PRKCA: variants seen among roughly 807,000 people sequenced by gnomAD.
PRKCA encodes protein kinase C alpha type.
PRKCA carries 27 observed loss-of-function variants against 87.0 expected under a neutral mutation model. That is an observed-to-expected ratio of 0.31 (90% CI 0.23 to 0.43). The LOEUF (loss-of-function observed/expected upper bound fraction) is 0.43, where lower values mean the gene tolerates loss of function less well. Among genes scored for constraint, PRKCA ranks in the 20% least tolerant of loss-of-function variants. PRKCA has a pLI of 1.00. For synonymous variants in PRKCA, 329 were observed against 311.1 expected (o/e 1.06, Z -0.61); for missense variants, 518 against 852.3 (o/e 0.61, Z 4.88).
intron 14 of PRKCA, chr17:66,775,269 C>T (rs1159706554): frequency 7.1e-6 from 7 of 984,990 alleles, no homozygotes; most frequent in African/African-American, 3.5e-5. Context: ...TTCTCCTGTC[C>T]GTCAGCCCTA....
In PRKCA at chr17:66,732,780, G is replaced by T. The variant is rs368946369; in HGVS notation, c.1011G>T (p.Thr337=). The part of the protein sequence containing the change: ...PSNNLDRVKL[T]DFNFLMVLGK... ...ACAACCTTGACCGAGTGAAACTCACGGACTTCAATTTCCTCATGGTGTTGG... is the reference window on the plus strand; with the variant it reads ...ACAACCTTGACCGAGTGAAACTCACTGACTTCAATTTCCTCATGGTGTTGG... Residue 337 remains threonine, a synonymous_variant, in exon 9 of 17, where the codon ACG becomes ACT. Coordinates refer to ENST00000413366, the MANE Select transcript of PRKCA (RefSeq NM_002737.3). 6.2e-7 allele frequency: 1 copy of T among 1,614,132 alleles called. No homozygotes were observed. Among genetic ancestry groups the T allele is most frequent in the East Asian group, 2.2e-5 (1 of 44,886 alleles).
chr17:66,390,039 C>T (rs1346057876), intron 2 of PRKCA, among the ~76,000 whole-genome samples: 2 of 152,216 alleles, frequency 1.3e-5, no homozygotes, highest in Non-Finnish European at 1.5e-5. Flanking sequence ...GCCTGGCCAA[C>T]ATGGTGAAAC....
At chr17:66,401,889 A>G (rs1284780736) in intron 2 of PRKCA, among the ~76,000 whole-genome samples, 1 of 152,216 alleles carries the variant, frequency 6.6e-6, no homozygotes, top group East Asian at 1.9e-4. Flanking sequence ...TGTAGAAGAC[A>G]CAAATGGTGA....
intron 2 of PRKCA, among the ~76,000 whole-genome samples, chr17:66,422,280 G>A (rs190246042): frequency 6.6e-6 from 1 of 152,136 alleles, no homozygotes; most frequent in Non-Finnish European, 1.5e-5. Context: ...GTGAGGTTCA[G>A]CTCATAACAC....
At chr17:66,517,294 A>T (rs1966998936) in intron 3 of PRKCA, among the ~76,000 whole-genome samples, 1 of 151,988 alleles carries the variant, frequency 6.6e-6, no homozygotes, top group African/African-American at 2.4e-5. Flanking sequence ...AAAAATAAAA[A>T]ATTTTCAGAA....
chr17:66,700,407 C>G (rs1973031644), intron 8 of PRKCA, among the ~76,000 whole-genome samples: 1 of 152,118 alleles, frequency 6.6e-6, no homozygotes, highest in African/African-American at 2.4e-5. Context: ...ATGAGGATGC[C>G]CATTCTCTCC....
At chr17:66,305,832 A>G (rs1404999402) in intron 1 of PRKCA, among the ~76,000 whole-genome samples, 2 of 152,220 alleles carry the variant, frequency 1.3e-5, no homozygotes, top group African/African-American at 4.8e-5. Context: ...AAATTTTAGT[A>G]TTGATAACAT....
chr17:66,793,031 A>G (rs1975576862), intron 16 of PRKCA, among the ~76,000 whole-genome samples: 1 of 152,336 alleles, frequency 6.6e-6, no homozygotes, highest in East Asian at 1.9e-4. Flanking sequence ...ATTTTGTAAA[A>G]ACAAAAGCAA....
intron 3 of PRKCA, among the ~76,000 whole-genome samples, chr17:66,579,208 T>C (rs1969341680): frequency 6.6e-6 from 1 of 152,164 alleles, no homozygotes; most frequent in African/African-American, 2.4e-5. Flanking sequence ...AAGCTAGTCA[T>C]CACGACCATA....
intron 13 of PRKCA, among the ~76,000 whole-genome samples, chr17:66,743,909 CTG>C (rs1167809582): frequency 6.6e-6 from 1 of 152,222 alleles, no homozygotes. Context: ...TATTTACAGA[CTG>C]TGGGAACTCG....
chr17:66,427,025 T>TA (rs918176266), intron 2 of PRKCA, among the ~76,000 whole-genome samples: 3 of 151,926 alleles, frequency 2.0e-5, no homozygotes, highest in Non-Finnish European at 4.4e-5. Flanking sequence ...ACCAGCCACT[T>TA]AAAAAAAAAT....
chr17:66,757,136 A>G (rs1219207771), intron 13 of PRKCA, among the ~76,000 whole-genome samples: 3 of 152,052 alleles, frequency 2.0e-5, no homozygotes, highest in Non-Finnish European at 4.4e-5. Flanking sequence ...TGATGGGCTC[A>G]TCTGTAGACT....
chr17:66,577,238 G>A (rs1969267046), intron 3 of PRKCA, among the ~76,000 whole-genome samples: 1 of 152,174 alleles, frequency 6.6e-6, no homozygotes, highest in African/African-American at 2.4e-5. Context: ...TTGTGGGCTA[G>A]GGAGCATCCA....
intron 16 of PRKCA, among the ~76,000 whole-genome samples, chr17:66,802,297 C>G (rs1975918976): frequency 6.6e-6 from 1 of 152,158 alleles, no homozygotes; most frequent in African/African-American, 2.4e-5. Context: ...TTATGACATG[C>G]TTTCCACCTC....
intron 3 of PRKCA, among the ~76,000 whole-genome samples, chr17:66,522,599 G>T (rs1020535706): frequency 3.3e-5 from 5 of 152,116 alleles, no homozygotes; most frequent in African/African-American, 1.2e-4. Context: ...TGTACTGGGG[G>T]TTCATGCTGA....
chr17:66,479,668 G>A (rs531209377), intron 2 of PRKCA, among the ~76,000 whole-genome samples: 1 of 152,294 alleles, frequency 6.6e-6, no homozygotes, highest in African/African-American at 2.4e-5. Flanking sequence ...GGAATACTAT[G>A]CAGCCATAAA....
At chr17:66,500,513 T>C (rs562536126) in intron 3 of PRKCA, among the ~76,000 whole-genome samples, 1 of 152,320 alleles carries the variant, frequency 6.6e-6, no homozygotes, top group South Asian at 2.1e-4. Context: ...AGAAGGGGTG[T>C]TAAGGATTTA....
chr17:66,465,839 G>A (rs764168719), intron 2 of PRKCA, among the ~76,000 whole-genome samples: 2 of 152,168 alleles, frequency 1.3e-5, no homozygotes, highest in Non-Finnish European at 2.9e-5. Flanking sequence ...ATTGAGGCCA[G>A]TAACATTTTA....
At chr17:66,512,441 C>T (rs145680234) in intron 3 of PRKCA, among the ~76,000 whole-genome samples, 227 of 149,208 alleles carry the variant, frequency 1.5e-3, no homozygotes, top group African/African-American at 5.3e-3. Flanking sequence ...ACCCTGTCTC[C>T]AACAACAACA....
Sources: gnomAD v4.1 joint callset for allele counts (sites outside exome capture counted in the v4.1 genomes callset) on GRCh38, gnomAD v4.1.1 for gene constraint, MANE v1.5 for transcripts, NCBI Gene and HGNC (gene_info 2026-07-23, HGNC 2026-07-21) for gene names.